PRR12: variants seen among roughly 807,000 people sequenced by gnomAD.
PRR12 encodes the protein proline rich 12, also known as proline-rich protein 12.
PRR12 carries 12 observed loss-of-function variants against 138.0 expected under a neutral mutation model. That is an observed-to-expected ratio of 0.09 (90% confidence interval 0.06 to 0.14). PRR12 has a LOEUF of 0.14. PRR12 is among the 10% of genes least tolerant of loss of function. PRR12 has a pLI of 1.00. For synonymous variants in PRR12, 1,567 were observed against 1,291.7 expected (o/e 1.21, Z -4.57); for missense variants, 2,692 against 2,861.3 (o/e 0.94, Z 1.35).
Position 49,616,030 on chromosome 19 carries a change from A to G in PRR12, c.5308A>G (p.Ser1770Gly). ...CGGACGGCAGACACGGCCAGAGCGG[A>G]GTCTCGCCACGGGACAACCTGCCAC... ...TSGRQTRPER[S>G]LATGQPATSR... The change falls in exon 9 of 14, where the codon AGT (serine) becomes GGT (glycine). Residue 1770 changes from serine to glycine, a missense_variant. By Grantham distance (56) the Ser-to-Gly change is moderately conservative (BLOSUM62 0). Around this residue, in one of 11 missense-constraint regions of PRR12, gnomAD observed 259 missense variants for 265.1 expected, o/e 0.98. Coordinates refer to ENST00000418929, the MANE Select transcript of PRR12 (RefSeq NM_020719.3). This position sits in a 1 kb window ranked among gnomAD's most constrained non-coding sequence, Gnocchi z 4.2. 1.3e-6 allele frequency: 2 copies of G among 1,555,670 alleles called. No homozygotes were observed. Among genetic ancestry groups the G allele is most frequent in the Non-Finnish European group, 1.7e-6 (2 of 1,149,828 alleles).
intron 10 of PRR12, among the ~76,000 whole-genome samples, chr19:49,621,061 C>T (rs1336961839): frequency 5.7e-5 from 3 of 52,912 alleles, no homozygotes; most frequent in Non-Finnish European, 3.6e-5. Flanking sequence ...GGGGCTGGGG[C>T]CTGGACTCCT....
chr19:49,605,634 T>A (rs933546890), intron 6 of PRR12, among the ~76,000 whole-genome samples: 1 of 152,244 alleles, frequency 6.6e-6, no homozygotes. Flanking sequence ...TGAGCCAGCA[T>A]TGGGTCAAAT....
At chr19:49,600,047 G>C in intron 5 of PRR12, 109 bp downstream of exon 5, 1 of 1,205,078 alleles carries the variant, frequency 8.3e-7, no homozygotes, top group South Asian at 1.6e-5. Flanking sequence ...CACATACATG[G>C]TGTAAGCTTG....
chr19:49,613,642 A>G (rs2080877543), intron 6 of PRR12, among the ~76,000 whole-genome samples: 1 of 152,140 alleles, frequency 6.6e-6, no homozygotes, highest in Non-Finnish European at 1.5e-5. Flanking sequence ...TGCTGGTGAA[A>G]TGGTCTCAGG....
At position 49,597,912 on chromosome 19, in the gene PRR12, C is replaced by A. The variant is rs776817639; in HGVS notation, c.3577C>A (p.Pro1193Thr). Residue 1193 changes from proline to threonine, a missense_variant, in exon 4 of 14, where the codon CCC (proline) becomes ACC (threonine). Pro to Thr is a conservative substitution (Grantham distance 38). Coordinates refer to ENST00000418929, the MANE Select transcript of PRR12 (RefSeq NM_020719.3). This position sits in a 1 kb window ranked among gnomAD's most constrained non-coding sequence, Gnocchi z 6.3. ...TGCGGGGCCCGCCTCGGCCTCCACGCCCACCGATGGCGCCAAGAAACCCCG... is the reference window on the plus strand; with the variant it reads ...TGCGGGGCCCGCCTCGGCCTCCACGACCACCGATGGCGCCAAGAAACCCCG... ...TTAGPASASTPTDGAKKPRGR... is the reference protein window; with the variant it reads ...TTAGPASASTTTDGAKKPRGR... The A allele has an allele frequency of 1.4e-6, 2 of 1,408,474 alleles. No homozygotes were observed. Among genetic ancestry groups the A allele is most frequent in the Non-Finnish European group, 1.8e-6 (2 of 1,085,462 alleles). The allele number at this position is 1,408,474 out of a possible 1,614,324, so 87.2% of individuals were successfully genotyped here.
In PRR12 at chr19:49,603,815, T is replaced by C. The variant is rs558821431; in HGVS notation, c.4773+1897T>C. ...TAATTATAAGGATAATAACTATCATTACACTTTTTTCTTTTCTTTTCTTTT... is the reference window on the plus strand; with the variant it reads ...TAATTATAAGGATAATAACTATCATCACACTTTTTTCTTTTCTTTTCTTTT... On this transcript the variant is annotated intron_variant, in intron 6 of 13. Coordinates refer to ENST00000418929, the MANE Select transcript of PRR12 (RefSeq NM_020719.3). Among the ~76,000 whole-genome samples, 230 of 152,212 alleles carry C rather than the reference T, an allele frequency of 1.5e-3. 1 individual carries two copies. The highest frequency in any genetic ancestry group is 3.4e-3 in the Middle Eastern group (1 of 294).
At position 49,625,454 on chromosome 19, in the gene PRR12, C is replaced by T. The variant is rs2080949969; in HGVS notation, c.5965-7C>T. On this transcript the variant is annotated splice_region_variant and splice_polypyrimidine_tract_variant and intron_variant, in intron 13 of 13. Coordinates refer to ENST00000418929, the MANE Select transcript of PRR12 (RefSeq NM_020719.3). The surrounding 1 kb of genome is among the most constrained non-coding windows in gnomAD (Gnocchi z 5.5). ...ACCCTCCCCAGTGCCATGTTTGACC[C>T]CTGCAGACCCTGGCCATCGAGGGCG... 2 of 1,599,840 alleles carry T rather than the reference C, an allele frequency of 1.3e-6. No individual in the cohort carries two copies. The highest frequency in any genetic ancestry group is 1.7e-6 in the Non-Finnish European group (2 of 1,173,098).
intron 2 of PRR12, among the ~76,000 whole-genome samples, chr19:49,593,946 T>G (rs886099264): frequency 6.6e-6 from 1 of 152,194 alleles, no homozygotes; most frequent in African/African-American, 2.4e-5. Flanking sequence ...AATGACATGA[T>G]GCTGTCCAGT....
At chr19:49,620,326 G>T (rs1250746773) in intron 9 of PRR12, 26 bp from the exon 10 acceptor site, 1 of 1,611,976 alleles carries the variant, frequency 6.2e-7, no homozygotes, top group Non-Finnish European at 8.5e-7. Flanking sequence ...TTGGGATAAC[G>T]AGCCTGCGTC....
At chr19:49,622,930 G>T (rs74660252) in intron 11 of PRR12, among the ~76,000 whole-genome samples, 29,862 of 72,058 alleles carry the variant, frequency 0.41, 5,299 homozygotes, top group Middle Eastern at 0.47. Context: ...TATATATATA[G>T]AGAGAGAGAG....
chr19:49,597,668 C>A lies in PRR12; in HGVS notation c.3333C>A (p.Pro1111=). The change falls in exon 4 of 14, where the codon CCC becomes CCA. Residue 1111 remains proline, a synonymous_variant. Transcript: ENST00000418929. This position sits in a 1 kb window ranked among gnomAD's most constrained non-coding sequence, Gnocchi z 6.3. ...FEADEDKADV[P]ADIRLNPRRL... is the part of the protein sequence containing the mutation. ...CGGACGAGGACAAGGCCGATGTTCC[C>A]GCCGACATCCGCCTCAACCCCCGGC... 2 of 1,605,380 alleles carry A rather than the reference C, an allele frequency of 1.2e-6. No individual in the cohort carries two copies. The highest frequency in any genetic ancestry group is 1.7e-6 in the Non-Finnish European group (2 of 1,177,152).
intron 5 of PRR12, among the ~76,000 whole-genome samples, chr19:49,600,559 AGGAGGATCG>A (rs2080804627): frequency 6.6e-6 from 1 of 151,698 alleles, no homozygotes; most frequent in South Asian, 2.1e-4. Context: ...AGGCTGAGAC[AGGAGGATCG>A]CTTGAGCCCA....
chr19:49,593,759 T>G (rs1410310770), intron 2 of PRR12, among the ~76,000 whole-genome samples: 4 of 152,168 alleles, frequency 2.6e-5, no homozygotes. Context: ...GGGTTTGCCC[T>G]ATTCTTTTGG....
At chr19:49,593,163 C>T (rs2080740592) in intron 1 of PRR12, among the ~76,000 whole-genome samples, 164 bp from the exon 2 acceptor site, 1 of 152,022 alleles carries the variant, frequency 6.6e-6, no homozygotes, top group Admixed American at 6.6e-5. Context: ...GTTGAGCACC[C>T]CGATTCCCTT....
At position 49,593,411 on chromosome 19, in the gene PRR12, A is replaced by G. The variant is rs1474716814; in HGVS notation, c.171A>G (p.Gln57=). 6.2e-7 allele frequency: 1 copy of G among 1,600,994 alleles called. No individual in the cohort carries two copies. The change falls in exon 2 of 14, where the codon CAA becomes CAG. Residue 57 remains glutamine (Q), a synonymous_variant. Coordinates refer to ENST00000418929, the MANE Select transcript of PRR12 (RefSeq NM_020719.3). ...CCTATGCGGCCCCCCACCCACTGCAAAGCTATGCCACCAACCACCACCCGG... is the reference window on the plus strand; with the variant it reads ...CCTATGCGGCCCCCCACCCACTGCAGAGCTATGCCACCAACCACCACCCGG... ...RQAYAAPHPL[Q]SYATNHHPAG...
Position 49,615,906 on chromosome 19 carries a change from C to T in PRR12, c.5184C>T (p.Ala1728=), listed in dbSNP as rs1485161379. The change falls in exon 9 of 14, where the codon GCC becomes GCT. Residue 1728 remains alanine, a synonymous_variant. Coordinates refer to ENST00000418929, the MANE Select transcript of PRR12 (RefSeq NM_020719.3). The stretch of plus-strand genomic sequence containing the variant: ...AGACGGCCATGCCTGAGCCCCCTGC[C>T]CCCGAGAAGCCCTCCCTCCTGCGGC... The part of the protein sequence containing the change: ...TPETAMPEPP[A]PEKPSLLRPV... The T allele has an allele frequency of 6.4e-7, 1 of 1,563,928 alleles. No homozygotes were observed. The highest frequency in any genetic ancestry group is 2.4e-5 in the East Asian group (1 of 41,638).
intron 11 of PRR12, among the ~76,000 whole-genome samples, chr19:49,623,155 G>A (rs1183495826): frequency 6.6e-6 from 1 of 151,810 alleles, no homozygotes; most frequent in South Asian, 2.1e-4. Flanking sequence ...GGAAAATTCT[G>A]GGTAGCATTA....
At chr19:49,608,861 AC>A (rs2080851557) in intron 6 of PRR12, among the ~76,000 whole-genome samples, 1 of 152,072 alleles carries the variant, frequency 6.6e-6, no homozygotes. Flanking sequence ...AACAAAAAAA[AC>A]AAATCAATCT....
rs1312495221 is a variant in PRR12, at chr19:49,591,529, AAGAG to A, written c.-118_-115del. On this transcript the variant is annotated 5_prime_UTR_variant, in exon 1 of 14. Transcript: ENST00000418929. ...GGCCTTCGGCGGCTGCAAAGAAAAA[AAGAG>A]AGAGAGAAAAGGGGGGAAAAAAAAG... 12 of 554,800 alleles carry A rather than the reference AAGAG, an allele frequency of 2.2e-5. No homozygotes were observed. The Admixed American group carries it at 2.7e-4, about 12-fold the overall frequency. 34.4% of individuals were successfully genotyped at this position (554,800 alleles called of 1,614,324 possible).
Sources: gnomAD v4.1 joint callset for allele counts (sites outside exome capture counted in the v4.1 genomes callset) on GRCh38, gnomAD v4.1.1 for gene constraint, gnomAD v4.1.1 regional missense constraint, Gnocchi (gnomAD v3.1) non-coding constraint, MANE v1.5 for transcripts, NCBI Gene and HGNC (gene_info 2026-07-23, HGNC 2026-07-21) for gene names.